The following KDM4C variants were observed in gnomAD, a reference collection of about 807,000 sequenced individuals.
KDM4C encodes lysine-specific demethylase 4C.
In KDM4C, 81 loss-of-function variants were observed where a neutral mutation model predicts 129.3. The observed-to-expected ratio is 0.63, with a 90% confidence interval of 0.52 to 0.75. The LOEUF (loss-of-function observed/expected upper bound fraction) is 0.75. Among genes scored for constraint, KDM4C ranks in the 30% least tolerant of loss-of-function variants. The probability of loss-of-function intolerance (pLI) is 0.00; values close to 1 mark genes in which losing one functional copy is unlikely to be tolerated. For synonymous variants in KDM4C, 573 were observed against 456.1 expected (o/e 1.26, Z -3.26); for missense variants, 1,457 against 1,304.0 (o/e 1.12, Z -1.81).
chr9:6,738,198 C>T lies in KDM4C; in HGVS notation c.49+17201C>T, dbSNP rs185235344. Among the ~76,000 whole-genome samples, 6 of 135,926 alleles carry T rather than the reference C, an allele frequency of 4.4e-5. No homozygotes were observed. The South Asian group carries it at 6.9e-4, about 16-fold the overall frequency. The allele number at this position is 135,926 out of a possible 152,430, so 89.2% of individuals were successfully genotyped here. ...ACTAAACTAAAAAACAGATGCTGGCCGGGCCTGGTGGCTCACACCTGTAAT... is the reference window on the plus strand; with the variant it reads ...ACTAAACTAAAAAACAGATGCTGGCTGGGCCTGGTGGCTCACACCTGTAAT... On this transcript the variant is annotated intron_variant, in intron 1 of 17. Transcript: ENST00000536108.
intron 17 of KDM4C, 85 bp from the exon 18 acceptor site, chr9:7,103,600 T>C: frequency 1.1e-6 from 1 of 890,220 alleles, no homozygotes; most frequent in Non-Finnish European, 1.7e-6. Flanking sequence ...TTTTTTCTTC[T>C]CTAGTAGCTA....
chr9:6,826,177 G>GTT (rs763833835), intron 4 of KDM4C, among the ~76,000 whole-genome samples: 7 of 143,886 alleles, frequency 4.9e-5, no homozygotes, highest in Non-Finnish European at 9.2e-5. Context: ...CTGGGGAAAA[G>GTT]TTTTTTTTTT....
At chr9:6,862,347 A>C (rs974009481) in intron 5 of KDM4C, among the ~76,000 whole-genome samples, 2 of 152,180 alleles carry the variant, frequency 1.3e-5, no homozygotes, top group East Asian at 3.9e-4. Flanking sequence ...TTGACCATTT[A>C]CTGTTTATTT....
chr9:6,829,026 A>T (rs1209506446), intron 4 of KDM4C, among the ~76,000 whole-genome samples: 1 of 152,222 alleles, frequency 6.6e-6, no homozygotes, highest in African/African-American at 2.4e-5. Context: ...ATATGTGTGG[A>T]GAATCACTCT....
intron 1 of KDM4C, chr9:6,724,087 C>G (rs930716884): frequency 6.6e-6 from 1 of 152,148 alleles, no homozygotes; most frequent in South Asian, 2.1e-4. Flanking sequence ...GGGGATAATA[C>G]TACTATACTG....
chr9:6,746,561 G>A (rs1417070202), intron 1 of KDM4C, among the ~76,000 whole-genome samples: 3 of 150,192 alleles, frequency 2.0e-5, no homozygotes, highest in Middle Eastern at 3.2e-3. Context: ...GAGCCACCGC[G>A]CCCGGCCCAT....
intron 17 of KDM4C, among the ~76,000 whole-genome samples, chr9:7,077,539 A>C (rs1407642653): frequency 6.6e-6 from 1 of 152,182 alleles, no homozygotes; most frequent in Non-Finnish European, 1.5e-5. Flanking sequence ...ATTTTGTAAA[A>C]CTGGGGCTAA....
chr9:7,146,613 T>G (rs1370999240), intron 19 of KDM4C, among the ~76,000 whole-genome samples: 1 of 152,220 alleles, frequency 6.6e-6, no homozygotes, highest in Non-Finnish European at 1.5e-5. Flanking sequence ...AATGAAGCAG[T>G]TTCTATGAAG....
At chr9:6,733,082 A>G (rs1817406255) in intron 1 of KDM4C, among the ~76,000 whole-genome samples, 3 of 152,246 alleles carry the variant, frequency 2.0e-5, no homozygotes, top group Admixed American at 2.0e-4. Context: ...AAAAGAAGAT[A>G]GAGACCTCAT....
chr9:6,803,595 A>T (rs1240308811), intron 2 of KDM4C, among the ~76,000 whole-genome samples: 1 of 148,344 alleles, frequency 6.7e-6, no homozygotes, highest in African/African-American at 2.4e-5. Flanking sequence ...AGTTTGTTTT[A>T]AAAAAATTAA....
chr9:6,947,727 A>C (rs2131463492), intron 8 of KDM4C, among the ~76,000 whole-genome samples: 1 of 152,204 alleles, frequency 6.6e-6, no homozygotes, highest in East Asian at 1.9e-4. Flanking sequence ...GTCATTTTCT[A>C]ATATGGCTGT....
intron 1 of KDM4C, among the ~76,000 whole-genome samples, chr9:6,792,212 G>A (rs567210449): frequency 2.0e-5 from 3 of 151,236 alleles, no homozygotes; most frequent in Non-Finnish European, 3.0e-5. Context: ...GCATGGTGGC[G>A]GGTGCCTGTA....
intron 4 of KDM4C, among the ~76,000 whole-genome samples, chr9:6,830,626 A>G (rs1429779272): frequency 6.6e-6 from 1 of 152,252 alleles, no homozygotes; most frequent in East Asian, 1.9e-4. Flanking sequence ...GATGAAGTAT[A>G]GTTTAATATT....
intron 5 of KDM4C, among the ~76,000 whole-genome samples, chr9:6,875,108 G>A (rs908791388): frequency 4.6e-5 from 7 of 152,032 alleles, no homozygotes; most frequent in South Asian, 2.1e-4. Flanking sequence ...TTCTGCTTTC[G>A]TGATTTTTTC....
Position 7,139,234 on chromosome 9 carries a change from C to T in KDM4C, c.2781+10998C>T, listed in dbSNP as rs569207280. ...AGGTTGCAATGAGCTGAGATTCTGC[C>T]GCTGCTCTCCAGTCTGGGTGACAGG... is the stretch of plus-strand genomic sequence containing the variant. On this transcript the variant is annotated intron_variant, in intron 19 of 21. Transcript: ENST00000381309. Among the ~76,000 whole-genome samples the T allele has an allele frequency of 2.2e-3, 329 of 152,236 alleles. 2 individuals carry two copies. The highest frequency in any genetic ancestry group is 7.3e-3 in the African/African-American group (304 of 41,546).
chr9:6,839,392 G>A (rs1836478983), intron 4 of KDM4C, among the ~76,000 whole-genome samples: 1 of 137,484 alleles, frequency 7.3e-6, no homozygotes, highest in Non-Finnish European at 1.5e-5. Context: ...ACCACACCTG[G>A]CCAGTTTTTT....
At chr9:7,118,682 C>T (rs998813942) in intron 18 of KDM4C, among the ~76,000 whole-genome samples, 2 of 152,296 alleles carry the variant, frequency 1.3e-5, no homozygotes, top group South Asian at 2.1e-4. Flanking sequence ...TTGGCCTGTA[C>T]GTCGGCTAAG....
At position 6,758,223 on chromosome 9, in the gene KDM4C, C is replaced by G; in HGVS notation, c.-18+20C>G. 1 of 985,090 alleles carries G rather than the reference C, an allele frequency of 1.0e-6. No homozygotes were observed. The highest frequency in any genetic ancestry group is 4.7e-5 in the South Asian group (1 of 21,276). 61.0% of individuals were successfully genotyped at this position (985,090 alleles called of 1,614,324 possible). ...CGCCAGGTAACCGCTTTTCCGGAGT[C>G]TGGGGGCCAGGGCGGGGGGAGGGTC... is the stretch of plus-strand genomic sequence containing the variant. On this transcript the variant is annotated intron_variant, in intron 1 of 21. Transcript: ENST00000381309. This position sits in a 1 kb window ranked among gnomAD's most constrained non-coding sequence, Gnocchi z 4.6.
intron 8 of KDM4C, among the ~76,000 whole-genome samples, chr9:6,948,996 G>A (rs1330562723): frequency 6.6e-6 from 1 of 152,242 alleles, no homozygotes; most frequent in African/African-American, 2.4e-5. Context: ...TGAGCTGTTG[G>A]GTACACCTCC....
Sources: gnomAD v4.1 joint callset for allele counts (sites outside exome capture counted in the v4.1 genomes callset) on GRCh38, gnomAD v4.1.1 for gene constraint, Gnocchi (gnomAD v3.1) non-coding constraint, MANE v1.5 for transcripts, NCBI Gene and HGNC (gene_info 2026-07-23, HGNC 2026-07-21) for gene names.